The following ATP9B variants were observed in gnomAD, a reference collection of about 807,000 sequenced individuals.
The protein encoded by ATP9B is probable phospholipid-transporting ATPase IIB.
Under a neutral mutation model 146.1 loss-of-function variants are expected in ATP9B, and 110 were observed. The ratio of observed to expected loss-of-function variants is 0.75; its 90% CI spans 0.65 to 0.88. The LOEUF is 0.88. Ranked by LOEUF, ATP9B falls within the 40% of genes least tolerant of loss-of-function variation. The probability of loss-of-function intolerance (pLI) is 0.00; values close to 1 mark genes in which losing one functional copy is unlikely to be tolerated. For missense variants in ATP9B, 1,499 were observed against 1,496.4 expected (o/e 1.00, Z -0.03); for synonymous variants, 604 against 569.7 (o/e 1.06, Z -0.86).
At chr18:79,146,686 T>G (rs1192471830) in intron 6 of ATP9B, 1 of 222,104 alleles carries the variant, frequency 4.5e-6, no homozygotes, top group East Asian at 1.5e-4. Flanking sequence ...TTCTCATCTG[T>G]CTCATCCCTG....
At chr18:79,091,683 T>G (rs1460253327) in intron 1 of ATP9B, among the ~76,000 whole-genome samples, 2 of 152,370 alleles carry the variant, frequency 1.3e-5, no homozygotes, top group Middle Eastern at 3.4e-3. Flanking sequence ...TGTGAAATCT[T>G]TAGGTTTTTG....
chr18:79,327,954 C>T (rs372355262), intron 15 of ATP9B, among the ~76,000 whole-genome samples: 10 of 115,278 alleles, frequency 8.7e-5, no homozygotes, highest in South Asian at 3.4e-4. Context: ...CCGTGGTTAG[C>T]GTGCTCTCCG....
intron 1 of ATP9B, 111 bp downstream of exon 1, chr18:79,069,640 C>T (rs1463219093): frequency 4.6e-6 from 3 of 655,996 alleles, no homozygotes; most frequent in Non-Finnish European, 6.6e-6. Flanking sequence ...CGCGCCCCAT[C>T]TGTTCGCTGG....
At chr18:79,334,605 C>A (rs985820478) in intron 17 of ATP9B, among the ~76,000 whole-genome samples, 1 of 151,530 alleles carries the variant, frequency 6.6e-6, no homozygotes, top group African/African-American at 2.4e-5. Flanking sequence ...CTCCTGACAG[C>A]CCCGACACCC....
chr18:79,108,920 T>C (rs1320139912), intron 2 of ATP9B, among the ~76,000 whole-genome samples: 1 of 152,220 alleles, frequency 6.6e-6, no homozygotes. Flanking sequence ...TACTGAAACC[T>C]GCAAGTTTTC....
At chr18:79,084,683 G>A (rs1184118423) in intron 1 of ATP9B, among the ~76,000 whole-genome samples, 1 of 152,288 alleles carries the variant, frequency 6.6e-6, no homozygotes, top group African/African-American at 2.4e-5. Flanking sequence ...CGCTTTGTGA[G>A]CATTGAAAGC....
chr18:79,214,135 C>T (rs891659195), intron 11 of ATP9B, 97 bp downstream of exon 11: 2 of 732,476 alleles, frequency 2.7e-6, no homozygotes, highest in Non-Finnish European at 2.1e-6. Context: ...TTTGGCTTAA[C>T]ATATATCTTA....
chr18:79,176,102 G>A (rs918075605), intron 7 of ATP9B, among the ~76,000 whole-genome samples: 5 of 152,020 alleles, frequency 3.3e-5, no homozygotes, highest in African/African-American at 4.8e-5. Flanking sequence ...CTGTATTGCC[G>A]TATGTGCTCT....
chr18:79,345,944 A>T (rs2096883765), intron 23 of ATP9B, 105 bp downstream of exon 23: 3 of 1,279,068 alleles, frequency 2.3e-6, no homozygotes, highest in Non-Finnish European at 3.4e-6. Flanking sequence ...TGGTCAGTGC[A>T]CGTCAGCATG....
chr18:79,157,853 T>C (rs2094818664), intron 7 of ATP9B, among the ~76,000 whole-genome samples: 1 of 152,216 alleles, frequency 6.6e-6, no homozygotes, highest in South Asian at 2.1e-4. Flanking sequence ...GGTAGTAATG[T>C]AACCTCCTTT....
At chr18:79,207,412 G>A (rs2095544717) in intron 10 of ATP9B, among the ~76,000 whole-genome samples, 1 of 152,246 alleles carries the variant, frequency 6.6e-6, no homozygotes, top group African/African-American at 2.4e-5. Flanking sequence ...GAGAGTGGCT[G>A]AAGTGACTGT....
intron 12 of ATP9B, among the ~76,000 whole-genome samples, chr18:79,270,614 T>C (rs2096245234): frequency 6.6e-6 from 1 of 152,198 alleles, no homozygotes; most frequent in African/African-American, 2.4e-5. Flanking sequence ...TTTATAGTTA[T>C]TTCCTTTTAA....
intron 3 of ATP9B, among the ~76,000 whole-genome samples, chr18:79,111,759 C>T (rs1287502540): frequency 2.0e-5 from 3 of 152,076 alleles, no homozygotes; most frequent in Non-Finnish European, 2.9e-5. Flanking sequence ...CCAGATTGGC[C>T]GCATGCTGAA....
intron 2 of ATP9B, among the ~76,000 whole-genome samples, chr18:79,106,524 G>C (rs2075662276): frequency 6.6e-6 from 1 of 152,126 alleles, no homozygotes; most frequent in Admixed American, 6.5e-5. Flanking sequence ...GCACCTGCAG[G>C]CCTTTCACAC....
At chr18:79,340,906 A>G (rs2147353431) in intron 19 of ATP9B, among the ~76,000 whole-genome samples, 1 of 152,308 alleles carries the variant, frequency 6.6e-6, no homozygotes. Flanking sequence ...AGCCTGGCAA[A>G]CCCTGACTGT....
intron 7 of ATP9B, among the ~76,000 whole-genome samples, chr18:79,169,202 G>A (rs1171142790): frequency 6.6e-6 from 1 of 152,148 alleles, no homozygotes; most frequent in Non-Finnish European, 1.5e-5. Context: ...GTGGTGAACA[G>A]TGAGTTTTCT....
rs68063845 is a variant in ATP9B, at chr18:79,190,511, T to TACACACACACACAC, written c.874-2650_874-2637dup. On this transcript the variant is annotated intron_variant, in intron 8 of 29. Coordinates refer to ENST00000426216, the MANE Select transcript of ATP9B (RefSeq NM_198531.5). ...AAACTGTTCCAGCCCTTTTTATTTA[T>TACACACACACACAC]ACACACACACACACACACACACACA... Among the ~76,000 whole-genome samples the TACACACACACACAC allele has an allele frequency of 4.3e-3, 621 of 143,618 alleles. 3 individuals carry two copies. The highest frequency in any genetic ancestry group is 0.013 in the African/African-American group (473 of 37,578). 94.2% of individuals were successfully genotyped at this position (143,618 alleles called of 152,430 possible).
At chr18:79,131,385 C>T (rs557063505) in intron 5 of ATP9B, among the ~76,000 whole-genome samples, 9 of 152,184 alleles carry the variant, frequency 5.9e-5, no homozygotes, top group Non-Finnish European at 1.2e-4. Context: ...TCTAATTCTC[C>T]GAAGAAAATA....
rs758167241 is a variant in ATP9B at position 79,374,052 on chromosome 18, C to T, written c.3225C>T (p.Leu1075=). 1.2e-6 allele frequency: 2 copies of T among 1,614,242 alleles called. No individual in the cohort carries two copies. Among genetic ancestry groups the T allele is most frequent in the South Asian group, 2.2e-5 (2 of 91,088 alleles). The change falls in exon 28 of 30, where the codon CTC becomes CTT. Residue 1075 remains leucine (L), a synonymous_variant. Transcript: ENST00000426216. ...GGCTGATGGTGGTGGCCGAGTTCCT[C>T]AGCTTAGGCTGCTACGTGTCCTCAC... ...WHWLMVVAEF[L]SLGCYVSSLA...
Sources: gnomAD v4.1 joint callset for allele counts (sites outside exome capture counted in the v4.1 genomes callset) on GRCh38, gnomAD v4.1.1 for gene constraint, MANE v1.5 for transcripts, NCBI Gene and HGNC (gene_info 2026-07-23, HGNC 2026-07-21) for gene names.